Variants in PPEF1 observed in about 807,000 individuals in gnomAD.
PPEF1 encodes the protein serine/threonine-protein phosphatase with EF-hands 1.
In PPEF1, 12 loss-of-function variants were observed where a neutral mutation model predicts 53.3. The ratio of observed to expected loss-of-function variants is 0.23; its 90% CI spans 0.14 to 0.36. PPEF1 has a LOEUF of 0.36. PPEF1 is among the 10% of genes least tolerant of loss of function. The pLI is 1.00. For missense variants in PPEF1, 334 were observed against 490.4 expected (o/e 0.68, Z 3.01); for synonymous variants, 165 against 176.7 (o/e 0.93, Z 0.52).
intron 8 of PPEF1, among the ~76,000 whole-genome samples, chrX:18,783,337 A>G (rs760587586): frequency 9.1e-6 from 1 of 110,061 alleles, no homozygotes; most frequent in Non-Finnish European, 1.9e-5. Context: ...AGGGCGAGTC[A>G]TTGACTATCT....
intron 7 of PPEF1, among the ~76,000 whole-genome samples, chrX:18,780,309 A>T (rs1164108079): frequency 8.9e-6 from 1 of 112,097 alleles, no homozygotes; most frequent in Non-Finnish European, 1.9e-5. Flanking sequence ...TGAATTAGGC[A>T]ATCAAGAAAG....
intron 3 of PPEF1, among the ~76,000 whole-genome samples, chrX:18,686,885 C>G (rs963968060): frequency 1.8e-5 from 2 of 110,907 alleles, no homozygotes; most frequent in African/African-American, 6.6e-5. Context: ...GCTTGGTTTT[C>G]GTCCCACATG....
chrX:18,743,850 C>G (rs964111322), intron 3 of PPEF1, among the ~76,000 whole-genome samples: 3 of 110,435 alleles, frequency 2.7e-5, no homozygotes, highest in Non-Finnish European at 3.8e-5. Context: ...GGTTATTTGT[C>G]TTTTTCTTAT....
upstream of PPEF1, among the ~76,000 whole-genome samples, chrX:18,704,205 T>C (rs1323102237): frequency 9.0e-6 from 1 of 111,201 alleles, no homozygotes; most frequent in African/African-American, 3.3e-5. Context: ...GGATTACGAA[T>C]GAGAGCCACT....
chrX:18,765,758 T>C (rs1602427695), intron 6 of PPEF1, among the ~76,000 whole-genome samples: 1 of 111,314 alleles, frequency 9.0e-6, no homozygotes, highest in African/African-American at 3.3e-5. Context: ...TACATTACTT[T>C]CATTTATCTA....
rs780030291 is a variant in PPEF1 at position 18,824,164 on chromosome X, G to A, written c.1665+78G>A. 74 of 996,997 alleles carry A rather than the reference G, an allele frequency of 7.4e-5. No individual in the cohort carries two copies. The East Asian group carries it at 2.0e-3, about 27-fold the overall frequency. The allele number at this position is 996,997 out of a possible 1,213,427, so 82.2% of individuals were successfully genotyped here. A position where few individuals can be genotyped will look rare whatever the true frequency, so the allele number is the denominator to read the frequency against. On this transcript the variant is annotated intron_variant, in intron 14 of 15. Transcript: ENST00000470157. ...GTCCTTTGAAAAGCTGGGAGTGGCC[G>A]GGCACAGTGGCTCACGCCTGTAATC...
At chrX:18,684,954 C>A (rs1238937808) in intron 2 of PPEF1, among the ~76,000 whole-genome samples, 1 of 112,086 alleles carries the variant, frequency 8.9e-6, no homozygotes, top group Non-Finnish European at 1.9e-5. Flanking sequence ...TAAAGTCACT[C>A]CCCTGTGACT....
In PPEF1 at chrX:18,757,643, A is replaced by G. The variant is rs1359611769; in HGVS notation, c.413A>G (p.Tyr138Cys). ...CGCTCACAGATACTTCATGCCCATT[A>G]TGTCTTAGAGGTGCTATTTGAAACC... ...FKEQQILHAH[Y>C]VLEVLFETKK... Residue 138 changes from tyrosine (Y) to cysteine (C), a missense_variant, in exon 5 of 16, where the codon TAT becomes TGT. Coordinates refer to ENST00000470157, the MANE Select transcript of PPEF1 (RefSeq NM_001377996.1). 1 of 1,205,682 alleles carries G rather than the reference A, an allele frequency of 8.3e-7. No individual in the cohort carries two copies.
intron 6 of PPEF1, among the ~76,000 whole-genome samples, chrX:18,762,082 T>G (rs2045678681): frequency 9.0e-6 from 1 of 111,629 alleles, no homozygotes; most frequent in Admixed American, 9.6e-5. Context: ...TCCTCTTCAT[T>G]TATTGCATTT....
At chrX:18,717,272 T>C (rs973788902) in intron 1 of PPEF1, among the ~76,000 whole-genome samples, 5 of 108,593 alleles carry the variant, frequency 4.6e-5, no homozygotes, top group Non-Finnish European at 7.6e-5. Context: ...AGCATGCATC[T>C]ACTAAAAGAG....
At chrX:18,804,692 G>A (rs1191711894) in intron 11 of PPEF1, among the ~76,000 whole-genome samples, 2 of 112,291 alleles carry the variant, frequency 1.8e-5, no homozygotes, top group African/African-American at 6.5e-5. Flanking sequence ...ATACAGTGGG[G>A]TTGAGAATGT....
chrX:18,694,186 T>A (rs1929577215), intron 4 of PPEF1, among the ~76,000 whole-genome samples: 4 of 112,043 alleles, frequency 3.6e-5, no homozygotes, highest in Non-Finnish European at 7.5e-5. Context: ...TGTCCCACAG[T>A]TTGTGGGACA....
intron 6 of PPEF1, among the ~76,000 whole-genome samples, chrX:18,778,644 G>C (rs762377051): frequency 6.6e-4 from 74 of 111,731 alleles, no homozygotes; most frequent in Non-Finnish European, 1.1e-3. Flanking sequence ...TAGTTTGGTG[G>C]TCTTCCTTGG....
chrX:18,752,236 C>A (rs1224546217), intron 4 of PPEF1, among the ~76,000 whole-genome samples: 2 of 111,290 alleles, frequency 1.8e-5, no homozygotes, highest in African/African-American at 6.6e-5. Context: ...TATTCTTAAA[C>A]AATTTATTCT....
At chrX:18,685,085 T>C (rs929353003) in intron 2 of PPEF1, among the ~76,000 whole-genome samples, 14 of 112,403 alleles carry the variant, frequency 1.2e-4, no homozygotes, top group Middle Eastern at 4.6e-3. Flanking sequence ...GGTTACTCCC[T>C]CGACTCCCAC....
In PPEF1 at chrX:18,743,841, GTTAT is replaced by G. The variant is rs1352034156; in HGVS notation, c.236-5948_236-5945del. Among the ~76,000 whole-genome samples the G allele has an allele frequency of 2.7e-5, 3 of 110,270 alleles. No homozygotes were observed. In the Admixed American group the frequency reaches 2.9e-4, roughly 11 times the overall value. On this transcript the variant is annotated intron_variant, in intron 3 of 15. Transcript: ENST00000470157. The stretch of plus-strand genomic sequence containing the variant: ...GTTTTTTTGTCCATTTTTCTATTGG[GTTAT>G]TTGTCTTTTTCTTATGAATTTGGAA...
chrX:18,821,851 TGA>T (rs1236879687), intron 13 of PPEF1, among the ~76,000 whole-genome samples: 1 of 108,131 alleles, frequency 9.2e-6, no homozygotes, highest in Non-Finnish European at 1.9e-5. Flanking sequence ...TGTCTAAGGC[TGA>T]GAGAGAGGAC....
chrX:18,685,788 A>T (rs1354650029), intron 2 of PPEF1, among the ~76,000 whole-genome samples: 10 of 110,985 alleles, frequency 9.0e-5, no homozygotes, highest in African/African-American at 2.6e-4. Context: ...AATATTAGTC[A>T]TACATTTCTA....
intron 1 of PPEF1, among the ~76,000 whole-genome samples, chrX:18,725,179 G>A (rs991854099): frequency 5.4e-5 from 6 of 111,204 alleles, no homozygotes; most frequent in African/African-American, 9.8e-5. Context: ...TGAGCTCATC[G>A]GGCAGGGTCT....
Sources: allele counts gnomAD v4.1 joint callset (sites outside exome capture counted in the v4.1 genomes callset), GRCh38; gene constraint gnomAD v4.1.1; transcripts MANE v1.5; gene names NCBI Gene and HGNC (gene_info 2026-07-23, HGNC 2026-07-21).